The following IL1RAPL1 variants were observed in gnomAD, a reference collection of about 807,000 sequenced individuals.
IL1RAPL1 encodes interleukin 1 receptor accessory protein like 1, also known as interleukin-1 receptor accessory protein-like 1.
Under a neutral mutation model 48.4 loss-of-function variants are expected in IL1RAPL1, and 3 were observed. The ratio of observed to expected loss-of-function variants is 0.06; its 90% CI spans 0.03 to 0.16. The LOEUF (loss-of-function observed/expected upper bound fraction) is 0.16, where lower values mean the gene tolerates loss of function less well. Ranked by LOEUF, IL1RAPL1 falls within the 10% of genes least tolerant of loss-of-function variation. IL1RAPL1 has a pLI of 1.00. For missense variants in IL1RAPL1, 349 were observed against 530.6 expected, an observed-to-expected ratio of 0.66 and a Z score of 3.36; for synonymous variants, 185 against 187.7, an observed-to-expected ratio of 0.99 and a Z score of 0.12.
intron 5 of IL1RAPL1, among the ~76,000 whole-genome samples, chrX:29,605,902 T>G (rs1015824329): frequency 4.5e-5 from 5 of 112,051 alleles, no homozygotes; most frequent in Non-Finnish European, 7.5e-5. Context: ...AGGACATACT[T>G]AAAATTTGTT....
At chrX:29,832,899 C>T (rs1335752341) in intron 6 of IL1RAPL1, among the ~76,000 whole-genome samples, 2 of 110,068 alleles carry the variant, frequency 1.8e-5, no homozygotes, top group African/African-American at 6.6e-5. Context: ...ATTTGGTACA[C>T]GCTGCTCCTG....
chrX:29,582,446 G>C (rs1173207194), intron 5 of IL1RAPL1, among the ~76,000 whole-genome samples: 1 of 92,465 alleles, frequency 1.1e-5, no homozygotes, highest in African/African-American at 4.1e-5. Context: ...ACATTGTGCA[G>C]GTTAGTTACA....
intron 6 of IL1RAPL1, among the ~76,000 whole-genome samples, chrX:29,853,851 C>G (rs1389530700): frequency 8.9e-6 from 1 of 111,756 alleles, no homozygotes; most frequent in African/African-American, 3.3e-5. Context: ...TATGATTTCA[C>G]TCAGAGGAGC....
chrX:29,217,775 TCTCACA>T (rs1333845402), intron 2 of IL1RAPL1, among the ~76,000 whole-genome samples: 1,377 of 68,296 alleles, frequency 0.02, 17 homozygotes, highest in East Asian at 0.026. Context: ...TCTCTCTCTC[TCTCACA>T]CACACACACA....
intron 6 of IL1RAPL1, among the ~76,000 whole-genome samples, chrX:29,686,269 A>C (rs1320010990): frequency 1.8e-5 from 2 of 111,217 alleles, no homozygotes; most frequent in Non-Finnish European, 3.8e-5. Context: ...CTTTTCAAAT[A>C]ACATGTTTTA....
Position 28,591,128 on chromosome X carries a change from C to A in IL1RAPL1, c.-25+3081C>A, listed in dbSNP as rs186376426. The stretch of plus-strand genomic sequence containing the variant: ...TTCTATTTTATTTCCATTTTGTCAG[C>A]CGCAGTCATGTAGTTAGGTTAGAAA... On this transcript the variant is annotated intron_variant, in intron 1 of 10. Coordinates refer to ENST00000378993, the MANE Select transcript of IL1RAPL1 (RefSeq NM_014271.4). Among the ~76,000 whole-genome samples, 7 of 111,416 alleles carry A rather than the reference C, an allele frequency of 6.3e-5. No individual in the cohort carries two copies. The East Asian group carries it at 1.7e-3, about 27-fold the overall frequency.
intron 1 of IL1RAPL1, among the ~76,000 whole-genome samples, chrX:28,716,601 C>G (rs1935507199): frequency 9.0e-6 from 1 of 111,446 alleles, no homozygotes; most frequent in Non-Finnish European, 1.9e-5. Flanking sequence ...CAATACTATT[C>G]AGGACATAGC....
intron 2 of IL1RAPL1, among the ~76,000 whole-genome samples, chrX:29,146,439 T>C (rs183748231): frequency 9.0e-6 from 1 of 111,602 alleles, no homozygotes; most frequent in Non-Finnish European, 1.9e-5. Flanking sequence ...GTTATCACCA[T>C]GTAATTTACT....
chrX:29,458,330 C>A (rs779543696), intron 5 of IL1RAPL1, among the ~76,000 whole-genome samples: 2 of 111,977 alleles, frequency 1.8e-5, no homozygotes, highest in Non-Finnish European at 3.8e-5. Flanking sequence ...CTGAAAAATT[C>A]TGTCACGTAC....
intron 1 of IL1RAPL1, among the ~76,000 whole-genome samples, chrX:28,787,340 T>A (rs2147264264): frequency 8.9e-6 from 1 of 111,807 alleles, no homozygotes; most frequent in South Asian, 3.7e-4. Context: ...GCTGAAGGTG[T>A]CAACTTGAAG....
intron 1 of IL1RAPL1, among the ~76,000 whole-genome samples, chrX:28,686,519 T>A (rs752581943): frequency 8.9e-6 from 1 of 112,076 alleles, no homozygotes; most frequent in African/African-American, 3.2e-5. Context: ...TTTGGTTAGC[T>A]GCATATCTCT....
At chrX:29,254,451 G>C (rs1057169125) in intron 2 of IL1RAPL1, among the ~76,000 whole-genome samples, 1 of 108,948 alleles carries the variant, frequency 9.2e-6, no homozygotes, top group East Asian at 2.9e-4. Flanking sequence ...TTGTGTGTAT[G>C]TGAGAGAGAG....
chrX:28,935,462 C>G (rs1005309573), intron 2 of IL1RAPL1, among the ~76,000 whole-genome samples: 3 of 111,631 alleles, frequency 2.7e-5, no homozygotes, highest in Non-Finnish European at 5.6e-5. Context: ...TTTCTGGACT[C>G]TCAGTTCTAC....
At chrX:29,453,331 T>A (rs773246257) in intron 5 of IL1RAPL1, among the ~76,000 whole-genome samples, 2 of 110,858 alleles carry the variant, frequency 1.8e-5, no homozygotes, top group Non-Finnish European at 3.8e-5. Flanking sequence ...ATACAATATG[T>A]GAAGTAAAAT....
intron 2 of IL1RAPL1, among the ~76,000 whole-genome samples, chrX:28,937,998 C>T (rs1324555226): frequency 9.0e-6 from 1 of 111,134 alleles, no homozygotes; most frequent in East Asian, 2.8e-4. Flanking sequence ...CTACAAAACA[C>T]TGCTCAAAGA....
chrX:29,677,758 C>T (rs2147104005), intron 6 of IL1RAPL1, among the ~76,000 whole-genome samples: 1 of 112,430 alleles, frequency 8.9e-6, no homozygotes, highest in South Asian at 3.7e-4. Flanking sequence ...TTACATTTTA[C>T]TCACCAGCTT....
intron 2 of IL1RAPL1, among the ~76,000 whole-genome samples, chrX:28,831,679 G>A (rs1458099568): frequency 2.7e-5 from 3 of 111,072 alleles, no homozygotes; most frequent in Non-Finnish European, 5.7e-5. Context: ...TTGAATAAAT[G>A]CTGTTCAGAT....
intron 2 of IL1RAPL1, among the ~76,000 whole-genome samples, chrX:28,839,670 A>C (rs1396232478): frequency 9.0e-6 from 1 of 110,913 alleles, no homozygotes; most frequent in South Asian, 3.7e-4. Flanking sequence ...ATGATGAAAA[A>C]TAGATAGCAA....
intron 5 of IL1RAPL1, among the ~76,000 whole-genome samples, chrX:29,625,738 T>G (rs940721228): frequency 9.8e-5 from 11 of 112,136 alleles, no homozygotes; most frequent in African/African-American, 1.9e-4. Flanking sequence ...CAGTGAAAGT[T>G]AATCAGTGAT....
Sources: allele counts gnomAD v4.1 joint callset (sites outside exome capture counted in the v4.1 genomes callset), GRCh38; gene constraint gnomAD v4.1.1; transcripts MANE v1.5; gene names NCBI Gene and HGNC (gene_info 2026-07-23, HGNC 2026-07-21).